SEMA5B: variants seen among roughly 807,000 people sequenced by gnomAD.
SEMA5B encodes the protein semaphorin 5B.
A neutral mutation model predicts 135.0 loss-of-function variants in SEMA5B; 66 were observed. That is an observed-to-expected ratio of 0.49 (90% CI 0.40 to 0.60). The LOEUF is 0.60. Ranked by LOEUF, SEMA5B falls within the 20% of genes least tolerant of loss-of-function variation. The probability of loss-of-function intolerance (pLI) is 0.00; values close to 1 mark genes in which losing one functional copy is unlikely to be tolerated. For synonymous variants in SEMA5B, 690 were observed against 639.5 expected, an observed-to-expected ratio of 1.08 and a Z score of -1.19; for missense variants, 1,501 against 1,566.3, an observed-to-expected ratio of 0.96 and a Z score of 0.70.
At chr3:123,001,319 G>A (rs548747425) in intron 1 of SEMA5B, among the ~76,000 whole-genome samples, 1 of 152,214 alleles carries the variant, frequency 6.6e-6, no homozygotes, top group East Asian at 1.9e-4. Context: ...AGCAGCAGGC[G>A]TATCATAGAG....
chr3:122,941,847 G>T (rs1360789166), intron 4 of SEMA5B, among the ~76,000 whole-genome samples: 1 of 152,186 alleles, frequency 6.6e-6, no homozygotes, highest in Non-Finnish European at 1.5e-5. Flanking sequence ...GGGGAAACTG[G>T]GTGAAGGGTA....
chr3:122,966,917 T>C (rs890195218), intron 1 of SEMA5B, among the ~76,000 whole-genome samples: 1 of 146,260 alleles, frequency 6.8e-6, no homozygotes, highest in African/African-American at 2.5e-5. Context: ...GGAGTTTCAC[T>C]CTTGTGGCCC....
At chr3:122,991,788 A>G (rs1197552602) in intron 1 of SEMA5B, among the ~76,000 whole-genome samples, 1 of 152,162 alleles carries the variant, frequency 6.6e-6, no homozygotes, top group African/African-American at 2.4e-5. Context: ...AAAGTTGGAA[A>G]TGTTCCCAGT....
At chr3:123,023,665 C>A (rs1444819) in intron 1 of SEMA5B, among the ~76,000 whole-genome samples, 12,678 of 152,204 alleles carry the variant, frequency 0.083, 1,589 homozygotes, top group African/African-American at 0.27. Flanking sequence ...GACTCCAAGT[C>A]CTTTGGACAA....
chr3:122,938,121 G>A (rs960262843), intron 5 of SEMA5B, among the ~76,000 whole-genome samples: 3 of 152,236 alleles, frequency 2.0e-5, no homozygotes, highest in Non-Finnish European at 2.9e-5. Flanking sequence ...CAAGGGAATC[G>A]TATGTGATCC....
chr3:122,955,644 A>G (rs573296832), intron 2 of SEMA5B, among the ~76,000 whole-genome samples: 11 of 152,202 alleles, frequency 7.2e-5, no homozygotes, highest in Non-Finnish European at 1.5e-4. Flanking sequence ...GTATCATAGA[A>G]AGCCCTGAGC....
chr3:122,975,994 G>A, intron 1 of SEMA5B: 1 of 1,534,374 alleles, frequency 6.5e-7, no homozygotes, highest in Non-Finnish European at 8.7e-7. Flanking sequence ...TCATGCACTT[G>A]CCCACCTCGA....
intron 4 of SEMA5B, among the ~76,000 whole-genome samples, chr3:122,942,340 G>A (rs1344016163): frequency 2.6e-5 from 4 of 152,090 alleles, no homozygotes; most frequent in Admixed American, 2.6e-4. Flanking sequence ...AGCAAATGAA[G>A]GGGTGGAGAC....
chr3:122,973,938 A>T (rs1360244394), intron 1 of SEMA5B, among the ~76,000 whole-genome samples: 1 of 152,244 alleles, frequency 6.6e-6, no homozygotes, highest in African/African-American at 2.4e-5. Flanking sequence ...GCCAGCTCAG[A>T]TGCCTGAACT....
At position 122,928,579 on chromosome 3, in the gene SEMA5B, C is replaced by T. The variant is rs758363733; in HGVS notation, c.574G>A (p.Ala192Thr). 3.8e-5 allele frequency: 59 copies of T among 1,562,824 alleles called. No individual in the cohort carries two copies. Among genetic ancestry groups the T allele is most frequent in the Non-Finnish European group, 4.3e-5 (50 of 1,152,994 alleles). ...CCACACATGAACACCTTCCGGCCGG[C>T]GACGATCAGGACTCGCACGTAGTTC... ...CQNYVRVLIV[A>T]GRKVFMCGTN... The change falls in exon 7 of 23, where the codon GCC becomes ACC. Residue 192 changes from alanine to threonine, a missense_variant. By Grantham distance (58) the Ala-to-Thr change is moderately conservative. This residue lies in a region of SEMA5B where 574 missense variants were observed against 684.7 expected (regional missense o/e 0.84). Coordinates refer to ENST00000357599, the MANE Select transcript of SEMA5B (RefSeq NM_001031702.4).
intron 1 of SEMA5B, among the ~76,000 whole-genome samples, chr3:122,990,435 TAGC>T (rs745521177): frequency 2.6e-5 from 4 of 151,714 alleles, no homozygotes; most frequent in Admixed American, 6.6e-5. Context: ...GGAGAGGGTG[TAGC>T]AGCAGCAGCA....
chr3:122,978,722 C>T (rs2107672527), intron 1 of SEMA5B, among the ~76,000 whole-genome samples: 1 of 152,204 alleles, frequency 6.6e-6, no homozygotes, highest in South Asian at 2.1e-4. Context: ...AGCTTCGTGT[C>T]AGAAGAGGCA....
chr3:122,918,136 A>C (rs1938168979), intron 12 of SEMA5B, among the ~76,000 whole-genome samples: 1 of 152,246 alleles, frequency 6.6e-6, no homozygotes, highest in Non-Finnish European at 1.5e-5. Flanking sequence ...CTAGTGACTA[A>C]TAATAATAAT....
intron 3 of SEMA5B, among the ~76,000 whole-genome samples, chr3:122,947,515 C>G (rs781692094): frequency 2.0e-5 from 3 of 152,198 alleles, no homozygotes; most frequent in Non-Finnish European, 4.4e-5. Context: ...GCATGTCCTC[C>G]TGTATGGGCC....
intron 1 of SEMA5B, among the ~76,000 whole-genome samples, chr3:122,980,431 G>T (rs1941483106): frequency 6.7e-6 from 1 of 148,278 alleles, no homozygotes; most frequent in East Asian, 2.0e-4. Flanking sequence ...TTGCACTCCA[G>T]CCTGTACAAC....
At chr3:122,992,522 G>C (rs1397866503) in intron 1 of SEMA5B, among the ~76,000 whole-genome samples, 3 of 152,122 alleles carry the variant, frequency 2.0e-5, no homozygotes, top group African/African-American at 4.8e-5. Flanking sequence ...ACCCAACCAG[G>C]AGAGGGAAGC....
At chr3:123,012,045 A>G (rs945844116) in intron 1 of SEMA5B, among the ~76,000 whole-genome samples, 1 of 152,194 alleles carries the variant, frequency 6.6e-6, no homozygotes, top group Non-Finnish European at 1.5e-5. Flanking sequence ...TCACGTGGAA[A>G]GAGCACACTT....
At chr3:122,942,586 T>C (rs1351419891) in intron 4 of SEMA5B, among the ~76,000 whole-genome samples, 2 of 152,220 alleles carry the variant, frequency 1.3e-5, no homozygotes, top group African/African-American at 2.4e-5. Flanking sequence ...TGCTATGTGA[T>C]GCTGGGAAGG....
At chr3:122,929,164 G>A in intron 5 of SEMA5B, 106 bp from the exon 6 acceptor site, 5 of 1,089,956 alleles carry the variant, frequency 4.6e-6, no homozygotes, top group Non-Finnish European at 6.8e-6. Flanking sequence ...ACATGAAGCT[G>A]TGAAGGAGGG....
Sources: allele counts gnomAD v4.1 joint callset (sites outside exome capture counted in the v4.1 genomes callset), GRCh38; gene constraint gnomAD v4.1.1; regional missense constraint gnomAD v4.1.1; transcripts MANE v1.5; gene names NCBI Gene and HGNC (gene_info 2026-07-23, HGNC 2026-07-21).